The following SUMF1 variants were observed in gnomAD, a reference collection of about 807,000 sequenced individuals.
SUMF1 encodes the protein sulfatase modifying factor 1, also known as formylglycine-generating enzyme.
A neutral mutation model predicts 47.6 loss-of-function variants in SUMF1; 48 were observed. The ratio of observed to expected loss-of-function variants is 1.01; its 90% confidence interval spans 0.80 to 1.28. SUMF1 has a LOEUF of 1.28. Among genes scored for constraint, SUMF1 ranks in the 50% most tolerant of loss-of-function variants. The pLI is 0.00. For missense variants in SUMF1, 571 were observed against 485.4 expected (o/e 1.18, Z -1.66); for synonymous variants, 230 against 192.1 (o/e 1.20, Z -1.63).
Position 4,325,860 on chromosome 3 carries a change from T to C in SUMF1, c.1014+50470A>G, listed in dbSNP as rs1253011607. ...AAACTGAAAAAAAAATGAATAAAGCTAGAATCTAACAGGTATACTATAGTG... is the reference window on the plus strand; with the variant it reads ...AAACTGAAAAAAAAATGAATAAAGCCAGAATCTAACAGGTATACTATAGTG... On this transcript the variant is annotated intron_variant and NMD_transcript_variant, in intron 8 of 12. Transcript: ENST00000448413. Among the ~76,000 whole-genome samples the C allele has an allele frequency of 2.6e-5, 4 of 152,088 alleles. No individual in the cohort carries two copies. In the East Asian group the frequency reaches 7.7e-4, roughly 29 times the overall value.
chr3:4,355,612 C>G (rs779900160), intron 8 of SUMF1, among the ~76,000 whole-genome samples: 4 of 152,148 alleles, frequency 2.6e-5, no homozygotes, highest in Admixed American at 6.5e-5. Context: ...CACTTTTCCC[C>G]TAAGTGTTCA....
intron 8 of SUMF1, among the ~76,000 whole-genome samples, chr3:4,223,541 G>A (rs757874120): frequency 2.6e-5 from 4 of 151,918 alleles, no homozygotes; most frequent in Non-Finnish European, 5.9e-5. Flanking sequence ...CTTCCACACT[G>A]GTTTCGTGAC....
At chr3:4,240,259 G>C (rs1477489114) in intron 8 of SUMF1, among the ~76,000 whole-genome samples, 1 of 151,968 alleles carries the variant, frequency 6.6e-6, no homozygotes, top group Non-Finnish European at 1.5e-5. Flanking sequence ...GCCAGGTTTT[G>C]GTATCAGGAT....
At chr3:4,227,504 G>T (rs749495251) in intron 8 of SUMF1, among the ~76,000 whole-genome samples, 1 of 152,008 alleles carries the variant, frequency 6.6e-6, no homozygotes, top group African/African-American at 2.4e-5. Flanking sequence ...GTTCCTCCCC[G>T]CCGGACTTCC....
intron 8 of SUMF1, among the ~76,000 whole-genome samples, chr3:4,300,789 T>C (rs1235848551): frequency 6.6e-6 from 1 of 152,148 alleles, no homozygotes; most frequent in Non-Finnish European, 1.5e-5. Flanking sequence ...CACTATCCTT[T>C]AGTTCCCACC....
At chr3:4,231,696 GC>G (rs1696302720) in intron 8 of SUMF1, among the ~76,000 whole-genome samples, 1 of 152,060 alleles carries the variant, frequency 6.6e-6, no homozygotes, top group Admixed American at 6.6e-5. Context: ...ATAACACATA[GC>G]CCTTCATGTT....
intron 8 of SUMF1, among the ~76,000 whole-genome samples, chr3:4,166,170 A>G (rs1319511257): frequency 6.6e-6 from 1 of 152,082 alleles, no homozygotes; most frequent in African/African-American, 2.4e-5. Flanking sequence ...AGTGACCCTT[A>G]CTGATGAATT....
intron 3 of SUMF1, among the ~76,000 whole-genome samples, chr3:4,441,489 G>A (rs1445349078): frequency 1.3e-5 from 2 of 152,048 alleles, no homozygotes; most frequent in Non-Finnish European, 2.9e-5. Context: ...CCCCACATCC[G>A]AGGAAAAACT....
chr3:4,060,426 G>A (rs1695258973), intron 9 of SUMF1, among the ~76,000 whole-genome samples: 2 of 152,158 alleles, frequency 1.3e-5, no homozygotes, highest in Non-Finnish European at 2.9e-5. Flanking sequence ...ACTGTAAAAC[G>A]AGAATGATAA....
chr3:4,288,440 T>A (rs1174882319), intron 8 of SUMF1, among the ~76,000 whole-genome samples: 1 of 152,098 alleles, frequency 6.6e-6, no homozygotes, highest in South Asian at 2.1e-4. Context: ...CATGGGTCTC[T>A]GTCCCTGAAA....
chr3:4,450,688 T>C (rs1258880476), intron 2 of SUMF1, among the ~76,000 whole-genome samples: 1 of 152,198 alleles, frequency 6.6e-6, no homozygotes, highest in Non-Finnish European at 1.5e-5. Flanking sequence ...ATTATAACTT[T>C]ACTACACCTT....
intron 8 of SUMF1, among the ~76,000 whole-genome samples, chr3:4,324,655 C>T (rs1045958202): frequency 2.0e-5 from 3 of 152,118 alleles, no homozygotes; most frequent in Non-Finnish European, 4.4e-5. Context: ...TACATTTTTA[C>T]ATCAGATGAA....
At chr3:4,261,863 G>C (rs1485425471) in intron 8 of SUMF1, among the ~76,000 whole-genome samples, 2 of 152,178 alleles carry the variant, frequency 1.3e-5, no homozygotes, top group Non-Finnish European at 2.9e-5. Flanking sequence ...TCAGGTGGCA[G>C]GACCACAGCA....
intron 8 of SUMF1, among the ~76,000 whole-genome samples, chr3:4,185,325 G>T (rs1695178254): frequency 6.6e-6 from 1 of 152,110 alleles, no homozygotes; most frequent in Middle Eastern, 3.4e-3. Flanking sequence ...ACCAATAATG[G>T]GTGAAAAGTG....
chr3:4,372,434 T>G (rs2125209537), intron 8 of SUMF1, among the ~76,000 whole-genome samples: 1 of 152,332 alleles, frequency 6.6e-6, no homozygotes, highest in South Asian at 2.1e-4. Context: ...TTTTTTCCTT[T>G]TATTGATTTT....
In SUMF1 at chr3:4,059,766, C is replaced by T. The variant is rs180962839; in HGVS notation, c.1191+8803G>A. ...CAAATGTACAACAAAAACTGTGATC[C>T]ATGTTAGGAATTTAAAAGGTGTCCC... On this transcript the variant is annotated intron_variant and NMD_transcript_variant, in intron 9 of 12. Coordinates refer to the SUMF1 transcript ENST00000448413. Among the ~76,000 whole-genome samples the T allele has an allele frequency of 2.7e-5, 4 of 147,832 alleles. No individual in the cohort carries two copies. The East Asian group carries it at 7.8e-4, about 29-fold the overall frequency.
At chr3:4,109,182 G>C (rs1693230941) in intron 8 of SUMF1, among the ~76,000 whole-genome samples, 1 of 151,988 alleles carries the variant, frequency 6.6e-6, no homozygotes, top group East Asian at 1.9e-4. Context: ...CTTCACTTAT[G>C]AAGCTTAGTT....
chr3:4,122,793 T>G (rs990327384), intron 8 of SUMF1, among the ~76,000 whole-genome samples: 1 of 152,152 alleles, frequency 6.6e-6, no homozygotes, highest in African/African-American at 2.4e-5. Context: ...AAAACTGCCT[T>G]CAAAGCAGAG....
chr3:4,337,769 G>A (rs1030098780), intron 8 of SUMF1, among the ~76,000 whole-genome samples: 16 of 152,114 alleles, frequency 1.1e-4, no homozygotes, highest in Non-Finnish European at 1.5e-4. Flanking sequence ...ATTTTCATCT[G>A]CCCTCAAACA....
Sources: allele counts gnomAD v4.1 joint callset (sites outside exome capture counted in the v4.1 genomes callset), GRCh38; gene constraint gnomAD v4.1.1; transcripts MANE v1.5; gene names NCBI Gene and HGNC (gene_info 2026-07-23, HGNC 2026-07-21).